Variants in MAST2 observed in about 807,000 individuals in gnomAD.
MAST2 encodes microtubule-associated serine/threonine-protein kinase 2.
MAST2 carries 70 observed loss-of-function variants against 147.4 expected under a neutral mutation model. The observed-to-expected ratio is 0.47, with a 90% CI of 0.39 to 0.58. The LOEUF (loss-of-function observed/expected upper bound fraction) is 0.58, where lower values mean the gene tolerates loss of function less well. Among genes scored for constraint, MAST2 ranks in the 20% least tolerant of loss-of-function variants. The pLI is 0.00. For missense variants in MAST2, 2,080 were observed against 2,302.3 expected (o/e 0.90, Z 1.98); for synonymous variants, 869 against 896.8 (o/e 0.97, Z 0.55).
intron 1 of MAST2, among the ~76,000 whole-genome samples, chr1:45,810,677 G>C (rs182833093): frequency 3.0e-4 from 45 of 151,442 alleles, no homozygotes; most frequent in Admixed American, 2.8e-3. Flanking sequence ...CAGGCGTCTT[G>C]GTGGGCGCCT....
At chr1:45,882,012 T>TTAAA (rs1326093758) in intron 3 of MAST2, among the ~76,000 whole-genome samples, 2 of 39,834 alleles carry the variant, frequency 5.0e-5, no homozygotes, top group Non-Finnish European at 9.4e-5. Context: ...CCGTCTCTAC[T>TTAAA]AAAAAAAAAA....
chr1:45,896,216 G>C (rs1648714065), intron 4 of MAST2, among the ~76,000 whole-genome samples: 1 of 152,074 alleles, frequency 6.6e-6, no homozygotes, highest in South Asian at 2.1e-4. Flanking sequence ...TTTTAGTAGA[G>C]ATGGGGGTTT....
intron 5 of MAST2, among the ~76,000 whole-genome samples, chr1:45,964,817 T>C (rs1570962599): frequency 1.3e-5 from 2 of 152,316 alleles, no homozygotes; most frequent in East Asian, 3.8e-4. Flanking sequence ...TGTTAGGGTG[T>C]CAACTTTAGA....
chr1:45,919,837 G>A (rs1653167290), intron 4 of MAST2, among the ~76,000 whole-genome samples: 1 of 150,218 alleles, frequency 6.7e-6, no homozygotes, highest in East Asian at 1.9e-4. Context: ...TGTGGTCACT[G>A]TATTAGTGCT....
intron 5 of MAST2, among the ~76,000 whole-genome samples, chr1:45,994,912 C>T (rs572658412): frequency 7.3e-5 from 11 of 151,634 alleles, no homozygotes; most frequent in Admixed American, 7.2e-4. Flanking sequence ...TGTCTCGGCT[C>T]ACTGCAAGCT....
At chr1:45,934,995 TG>T (rs1655969712) in intron 4 of MAST2, among the ~76,000 whole-genome samples, 1 of 152,272 alleles carries the variant, frequency 6.6e-6, no homozygotes, top group Admixed American at 6.5e-5. Flanking sequence ...CCACAGAGGC[TG>T]AACTAATTTA....
intron 5 of MAST2, among the ~76,000 whole-genome samples, chr1:45,992,051 T>A (rs1644875437): frequency 6.6e-6 from 1 of 152,150 alleles, no homozygotes; most frequent in South Asian, 2.1e-4. Flanking sequence ...CTTATTGCAC[T>A]GGCTAAGACT....
intron 4 of MAST2, among the ~76,000 whole-genome samples, chr1:45,942,142 G>T (rs1164832621): frequency 1.5e-5 from 2 of 134,950 alleles, no homozygotes; most frequent in Admixed American, 7.4e-5. Flanking sequence ...ATTGTAGTGG[G>T]TTTCTTTTTT....
intron 18 of MAST2, chr1:46,029,257 A>C: frequency 1.8e-6 from 1 of 556,136 alleles, no homozygotes; most frequent in South Asian, 2.8e-5. Context: ...AGGGTGAGCT[A>C]GAGCTTTGCA....
intron 10 of MAST2, among the ~76,000 whole-genome samples, chr1:46,015,112 GTTC>G (rs1361105100): frequency 6.6e-6 from 1 of 151,378 alleles, no homozygotes; most frequent in Non-Finnish European, 1.5e-5. Context: ...AAATAAAGAT[GTTC>G]TTTGAAACCA....
At chr1:45,889,432 C>G (rs1570566280) in intron 4 of MAST2, among the ~76,000 whole-genome samples, 6 of 152,236 alleles carry the variant, frequency 3.9e-5, no homozygotes, top group African/African-American at 1.4e-4. Flanking sequence ...AACTACCTGC[C>G]TTCCTCGGCC....
chr1:45,997,348 G>T (rs972198123), intron 5 of MAST2, among the ~76,000 whole-genome samples: 4 of 152,158 alleles, frequency 2.6e-5, no homozygotes, highest in African/African-American at 9.7e-5. Flanking sequence ...GGGTCCTGTT[G>T]CCCTTTGAGA....
chr1:46,024,341 A>G, intron 15 of MAST2: 1 of 268,506 alleles, frequency 3.7e-6, no homozygotes, highest in South Asian at 4.9e-5. Context: ...CCCTCAGAAG[A>G]AAGGAAAGCC....
chr1:45,924,907 A>G (rs923793953), intron 4 of MAST2, among the ~76,000 whole-genome samples: 4 of 152,216 alleles, frequency 2.6e-5, no homozygotes, highest in African/African-American at 9.6e-5. Context: ...GAATGAGGTC[A>G]TAGAAGAAAC....
chr1:46,027,978 G>T, intron 17 of MAST2, 115 bp downstream of exon 17: 1 of 1,214,518 alleles, frequency 8.2e-7, no homozygotes. Context: ...GATCGCTTGA[G>T]GCCAGCCTGG....
intron 5 of MAST2, among the ~76,000 whole-genome samples, chr1:45,969,589 C>T (rs1163114011): frequency 6.6e-6 from 1 of 151,938 alleles, no homozygotes; most frequent in Non-Finnish European, 1.5e-5. Context: ...ATCTAGGTTG[C>T]ACACTTCTTA....
intron 5 of MAST2, among the ~76,000 whole-genome samples, chr1:45,975,504 A>C (rs866392801): frequency 0.013 from 1,887 of 145,448 alleles, 123 homozygotes; most frequent in African/African-American, 0.042. Flanking sequence ...CCAAAAAAAA[A>C]AAAAAAAAAA....
chr1:45,930,203 C>T (rs1480843484), intron 4 of MAST2, among the ~76,000 whole-genome samples: 1 of 151,962 alleles, frequency 6.6e-6, no homozygotes, highest in Non-Finnish European at 1.5e-5. Flanking sequence ...TCAGTCTCCC[C>T]AGTAGCTGAG....
At chr1:45,855,811 A>G (rs888636178) in intron 3 of MAST2, among the ~76,000 whole-genome samples, 2 of 151,980 alleles carry the variant, frequency 1.3e-5, no homozygotes, top group East Asian at 1.9e-4. Flanking sequence ...ATTTTTTCCA[A>G]TCTATATATT....
Sources: gnomAD v4.1 joint callset for allele counts (sites outside exome capture counted in the v4.1 genomes callset) on GRCh38, gnomAD v4.1.1 for gene constraint, MANE v1.5 for transcripts, NCBI Gene and HGNC (gene_info 2026-07-23, HGNC 2026-07-21) for gene names.